NYX: variants seen among roughly 807,000 people sequenced by gnomAD.
NYX encodes the protein leucine-rich repeat protein.
For missense variants in NYX, 481 were observed against 485.4 expected, an observed-to-expected ratio of 0.99 and a Z score of 0.09; for synonymous variants, 258 against 245.7, an observed-to-expected ratio of 1.05 and a Z score of -0.47.
At position 41,472,684 on chromosome X, in the gene NYX, C is replaced by T. The variant is rs191356102; in HGVS notation, c.23-807C>T. ...TGGCGAGGTCCGTGGCTACTGTGCG[C>T]GCCCCCACTTCCGCCGGCACCCCGC... On this transcript the variant is annotated intron_variant, in intron 2 of 2. Coordinates refer to ENST00000378220, the MANE Select transcript of NYX (RefSeq NM_001378477.3). The T allele has an allele frequency of 4.9e-5, 18 of 364,777 alleles. No individual in the cohort carries two copies. In the Admixed American group the frequency reaches 5.9e-4, roughly 12 times the overall value. 30.1% of individuals were successfully genotyped at this position (364,777 alleles called of 1,213,427 possible).
rs1385218972 is a variant in NYX, at chrX:41,474,285, G to C, written c.817G>C (p.Ala273Pro). 1 of 1,206,919 alleles carries C rather than the reference G, an allele frequency of 8.3e-7. No homozygotes were observed. The highest frequency in any genetic ancestry group is 2.2e-5 in the Admixed American group (1 of 46,129). ...RVARAWFADL[A>P]ELELLYLDRN... is the part of the protein sequence containing the mutation. ...GGCGCGCGCCTGGTTCGCTGACCTGGCCGAGCTCGAGCTGCTCTACCTGGA... is the reference window on the plus strand; with the variant it reads ...GGCGCGCGCCTGGTTCGCTGACCTGCCCGAGCTCGAGCTGCTCTACCTGGA... Residue 273 changes from alanine to proline, a missense_variant, in exon 3 of 3, where the codon GCC (alanine) becomes CCC (proline). Ala to Pro is a conservative substitution (Grantham distance 27). Coordinates refer to ENST00000378220, the MANE Select transcript of NYX (RefSeq NM_001378477.3).
intron 2 of NYX, among the ~76,000 whole-genome samples, chrX:41,468,788 T>C (rs1007206594): frequency 8.9e-6 from 1 of 111,786 alleles, no homozygotes. Context: ...TAAAGAAACC[T>C]GATGCCTGAT....
chrX:41,472,607 C>T, intron 2 of NYX: 1 of 482,575 alleles, frequency 2.1e-6, no homozygotes, highest in Non-Finnish European at 3.7e-6. Flanking sequence ...ATCAGGGCCT[C>T]GGGGCAGCCG....
chrX:41,457,580 AT>A, intron 2 of NYX, among the ~76,000 whole-genome samples: 1 of 81,628 alleles, frequency 1.2e-5, no homozygotes, highest in East Asian at 4.0e-4. Flanking sequence ...CTGCTCCCCC[AT>A]AACTTTGACC....
chrX:41,452,183 G>T (rs2147011794), intron 2 of NYX, among the ~76,000 whole-genome samples: 2 of 110,598 alleles, frequency 1.8e-5, no homozygotes, highest in South Asian at 7.7e-4. Flanking sequence ...ATGTTGCCCT[G>T]GCTGGTCTTG....
Position 41,473,628 on chromosome X carries a change from G to A in NYX, c.160G>A (p.Glu54Lys), listed in dbSNP as rs1245341502. ...DRAGLLRVPA[E>K]LPCEAVSIDL... is the part of the protein sequence containing the mutation. ...CGCGGGCCTCCTGCGGGTGCCGGCCGAGCTCCCGTGCGAGGCGGTCTCCAT... is the reference window on the plus strand; with the variant it reads ...CGCGGGCCTCCTGCGGGTGCCGGCCAAGCTCCCGTGCGAGGCGGTCTCCAT... Residue 54 changes from glutamate (E) to lysine (K), a missense_variant, in exon 3 of 3, where the codon GAG becomes AAG. Glu to Lys is a moderately conservative substitution (Grantham distance 56, BLOSUM62 1). Transcript: ENST00000378220. 3 of 1,057,522 alleles carry A rather than the reference G, an allele frequency of 2.8e-6. No individual in the cohort carries two copies. Among genetic ancestry groups the A allele is most frequent in the Admixed American group, 3.8e-5 (1 of 26,138 alleles). 87.2% of individuals were successfully genotyped at this position (1,057,522 alleles called of 1,213,427 possible).
chrX:41,460,647 C>T (rs2064696911), intron 2 of NYX, among the ~76,000 whole-genome samples: 1 of 110,416 alleles, frequency 9.1e-6, no homozygotes, highest in Admixed American at 9.8e-5. Flanking sequence ...ATATATAACA[C>T]ATACATACAT....
At chrX:41,469,685 T>C (rs979831177) in intron 2 of NYX, among the ~76,000 whole-genome samples, 1 of 110,107 alleles carries the variant, frequency 9.1e-6, no homozygotes, top group Non-Finnish European at 1.9e-5. Context: ...TAGCTGGGAT[T>C]ATAGGTGCAT....
At chrX:41,467,510 C>T (rs2064345005) in intron 2 of NYX, among the ~76,000 whole-genome samples, 2 of 107,964 alleles carry the variant, frequency 1.9e-5, no homozygotes, top group South Asian at 4.1e-4. Context: ...TGTGCCACTG[C>T]GTCTGGCTAA....
intron 2 of NYX, among the ~76,000 whole-genome samples, chrX:41,471,552 T>C (rs1211719778): frequency 8.9e-6 from 1 of 112,068 alleles, no homozygotes; most frequent in East Asian, 2.8e-4. Context: ...ATTTACTTAA[T>C]CTAGATGGGT....
chrX:41,463,571 C>T (rs1034551665), intron 2 of NYX, among the ~76,000 whole-genome samples: 47 of 110,324 alleles, frequency 4.3e-4, no homozygotes, highest in African/African-American at 1.2e-3. Flanking sequence ...TACAGGTGTG[C>T]GCCACCACAC....
In NYX at chrX:41,473,834, C is replaced by T. The variant is rs1281189925; in HGVS notation, c.366C>T (p.His122=). 9.0e-7 allele frequency: 1 copy of T among 1,108,913 alleles called. No individual in the cohort carries two copies. Among genetic ancestry groups the T allele is most frequent in the Non-Finnish European group, 1.2e-6 (1 of 851,589 alleles). The allele number at this position is 1,108,913 out of a possible 1,213,427, so 91.4% of individuals were successfully genotyped here. A position where few individuals can be genotyped will look rare whatever the true frequency, so the allele number is the denominator to read the frequency against. The change falls in exon 3 of 3, where the codon CAC becomes CAT. Residue 122 remains histidine (H), a synonymous_variant. Transcript: ENST00000378220. ...LAHNGDLRYL[H]ARTFAALSRL... Reference sequence around the variant, plus strand: ...ACAACGGCGACCTGCGCTACCTGCACGCGCGCACCTTCGCGGCGCTCAGCC... The same window carrying T: ...ACAACGGCGACCTGCGCTACCTGCATGCGCGCACCTTCGCGGCGCTCAGCC...
intron 2 of NYX, among the ~76,000 whole-genome samples, chrX:41,461,382 CATAT>C (rs60185443): frequency 4.9e-5 from 5 of 101,526 alleles, no homozygotes; most frequent in African/African-American, 7.3e-5. Context: ...AATATTCCGT[CATAT>C]ATATATATAT....
intron 2 of NYX, among the ~76,000 whole-genome samples, chrX:41,457,493 C>T (rs997968919): frequency 1.8e-5 from 2 of 109,988 alleles, no homozygotes; most frequent in South Asian, 3.9e-4. Context: ...TGTAAGCCAC[C>T]GAGTCTACGG....
At chrX:41,469,671 C>T (rs1386090873) in intron 2 of NYX, among the ~76,000 whole-genome samples, 2 of 109,692 alleles carry the variant, frequency 1.8e-5, no homozygotes, top group Admixed American at 2.0e-4. Context: ...TTCAGCCTCC[C>T]GAGTAGCTGG....
At chrX:41,453,191 T>C (rs750032317) in intron 2 of NYX, among the ~76,000 whole-genome samples, 1 of 111,527 alleles carries the variant, frequency 9.0e-6, no homozygotes, top group Non-Finnish European at 1.9e-5. Flanking sequence ...GGAAAGCACA[T>C]ATTTGAAAAG....
At chrX:41,472,022 A>G (rs951306970) in intron 2 of NYX, among the ~76,000 whole-genome samples, 3 of 110,468 alleles carry the variant, frequency 2.7e-5, no homozygotes, top group African/African-American at 9.9e-5. Context: ...ATATTTCCGT[A>G]GAGTTCAGAG....
rs190092169 is a variant in NYX, at chrX:41,461,751, T to C, written c.23-11740T>C. On this transcript the variant is annotated intron_variant, in intron 2 of 2. Coordinates refer to ENST00000378220, the MANE Select transcript of NYX (RefSeq NM_001378477.3). Reference sequence around the variant, plus strand: ...TTGCAGGAGTAAGGTGGTTTTGCGTTGTGGTTTTGATTTGCATTTCTCTGA... The same window carrying C: ...TTGCAGGAGTAAGGTGGTTTTGCGTCGTGGTTTTGATTTGCATTTCTCTGA... Among the ~76,000 whole-genome samples the C allele has an allele frequency of 1.9e-4, 21 of 111,540 alleles. No individual in the cohort carries two copies. The East Asian group carries it at 5.0e-3, about 27-fold the overall frequency.
At chrX:41,448,328 C>T (rs1275756185) in intron 2 of NYX, among the ~76,000 whole-genome samples, 2 of 110,481 alleles carry the variant, frequency 1.8e-5, no homozygotes, top group African/African-American at 3.3e-5. Flanking sequence ...CTGCAAGCTC[C>T]GCCTCCCGGG....
Sources: allele counts gnomAD v4.1 joint callset (sites outside exome capture counted in the v4.1 genomes callset), GRCh38; gene constraint gnomAD v4.1.1; transcripts MANE v1.5; gene names NCBI Gene and HGNC (gene_info 2026-07-23, HGNC 2026-07-21).